PLEKHG7: variants seen among roughly 807,000 people sequenced by gnomAD.
PLEKHG7 encodes pleckstrin homology domain-containing family G member 7.
Under a neutral mutation model 85.2 loss-of-function variants are expected in PLEKHG7, and 77 were observed. The ratio of observed to expected loss-of-function variants is 0.90; its 90% CI spans 0.75 to 1.09. PLEKHG7 has a LOEUF of 1.09. Among genes scored for constraint, PLEKHG7 ranks in the 50% least tolerant of loss-of-function variants. PLEKHG7 has a pLI of 0.00. For synonymous variants in PLEKHG7, 301 were observed against 302.4 expected, an observed-to-expected ratio of 1.00 and a Z score of 0.05; for missense variants, 777 against 804.3, an observed-to-expected ratio of 0.97 and a Z score of 0.41.
In PLEKHG7 at chr12:92,706,959, T is replaced by C. The variant is rs183080897; in HGVS notation, c.328T>C (p.Ser110Pro). ...CTTGAGACTCCACTCAAGATTGACC[T>C]CTGAACCTGAAAGGGCCCTGAATGC... ...SPLRLHSRLT[S>P]EPERALNAAD... The change falls in exon 2 of 17, where the codon TCT (serine) becomes CCT (proline). Residue 110 changes from serine to proline, a missense_variant. Ser to Pro is a moderately conservative substitution (Grantham distance 74). Coordinates refer to ENST00000344636, the MANE Select transcript of PLEKHG7 (RefSeq NM_001377329.1). 2.2e-5 allele frequency: 36 copies of C among 1,614,158 alleles called. No individual in the cohort carries two copies. The highest frequency in any genetic ancestry group is 3.3e-4 in the Middle Eastern group (2 of 6,062).
At chr12:92,752,908 G>C (rs1872728794) in intron 10 of PLEKHG7, among the ~76,000 whole-genome samples, 1 of 152,062 alleles carries the variant, frequency 6.6e-6, no homozygotes, top group South Asian at 2.1e-4. Flanking sequence ...TCTCGCTGTA[G>C]CCTCACATGG....
chr12:92,755,910 G>C lies in PLEKHG7; in HGVS notation c.1512G>C (p.Trp504Cys). ...AGATTATAGTGTGGCCACCGCTTTG[G>C]GATAGAGATAAAAGGTTTTTCATTC... ...LQEIIVWPPL[W>C]DRDKRFFIPE... Residue 504 changes from tryptophan (W) to cysteine (C), a missense_variant, in exon 12 of 17, where the codon TGG becomes TGC. Trp to Cys is a radical substitution (Grantham distance 215, BLOSUM62 -2). Coordinates refer to ENST00000344636, the MANE Select transcript of PLEKHG7 (RefSeq NM_001377329.1). 1.2e-6 allele frequency: 2 copies of C among 1,612,552 alleles called. No individual in the cohort carries two copies. Among genetic ancestry groups the C allele is most frequent in the Non-Finnish European group, 1.7e-6 (2 of 1,179,470 alleles).
rs1236476844 is a variant in PLEKHG7, at chr12:92,750,111, C to T, written c.1252-3979C>T. Among the ~76,000 whole-genome samples the T allele has an allele frequency of 3.3e-5, 5 of 151,388 alleles. No individual in the cohort carries two copies. In the East Asian group the frequency reaches 5.8e-4, roughly 18 times the overall value. On this transcript the variant is annotated intron_variant, in intron 10 of 16. Transcript: ENST00000344636. The stretch of plus-strand genomic sequence containing the variant: ...GTGGCACCATCATGGCTCACTGCAG[C>T]CTCAACCTCCCTTGCTCAAGCGACA...
intron 1 of PLEKHG7, among the ~76,000 whole-genome samples, chr12:92,704,376 T>TA (rs752853543): frequency 2.0e-5 from 3 of 152,334 alleles, no homozygotes; most frequent in Non-Finnish European, 4.4e-5. Context: ...TACCTTATTT[T>TA]ATCAATGGTA....
chr12:92,765,415 AG>A (rs1321006823), intron 15 of PLEKHG7, among the ~76,000 whole-genome samples: 5 of 151,766 alleles, frequency 3.3e-5, no homozygotes, highest in Non-Finnish European at 5.9e-5. Flanking sequence ...AGATCACCTG[AG>A]GTCGGGAGCT....
At position 92,753,971 on chromosome 12, in the gene PLEKHG7, C is replaced by T. The variant is rs1872756666; in HGVS notation, c.1252-119C>T. 7 of 989,464 alleles carry T rather than the reference C, an allele frequency of 7.1e-6. No homozygotes were observed. In the South Asian group the frequency reaches 1.2e-4, roughly 17 times the overall value. 61.3% of individuals were successfully genotyped at this position (989,464 alleles called of 1,614,324 possible). A position where few individuals can be genotyped will look rare whatever the true frequency, so the allele number is the denominator to read the frequency against. On this transcript the variant is annotated intron_variant, in intron 10 of 16. Coordinates refer to ENST00000344636, the MANE Select transcript of PLEKHG7 (RefSeq NM_001377329.1). The stretch of plus-strand genomic sequence containing the variant: ...GTGGCTTATAAATTGTCCCAGCAAA[C>T]TCACAAGTAGGTCCTGCAGTTACTG...
intron 15 of PLEKHG7, among the ~76,000 whole-genome samples, chr12:92,767,931 C>T (rs1432860852): frequency 2.0e-5 from 3 of 152,168 alleles, no homozygotes; most frequent in East Asian, 1.9e-4. Context: ...ATAGGGCGGG[C>T]GCGGTGGCTC....
chr12:92,705,108 C>T (rs1437237688), intron 1 of PLEKHG7, among the ~76,000 whole-genome samples: 3 of 152,110 alleles, frequency 2.0e-5, no homozygotes, highest in Non-Finnish European at 4.4e-5. Flanking sequence ...TTGCCATAGG[C>T]AAGTACAAAA....
rs1214027251 is a variant in PLEKHG7, at chr12:92,770,753, A to G, written c.*558A>G. 1 of 152,186 alleles carries G rather than the reference A, an allele frequency of 6.6e-6. No homozygotes were observed. The highest frequency in any genetic ancestry group is 1.5e-5 in the Non-Finnish European group (1 of 68,042). The allele number at this position is 152,186 out of a possible 1,614,324, so 9.4% of individuals were successfully genotyped here. A position where few individuals can be genotyped will look rare whatever the true frequency, so the allele number is the denominator to read the frequency against. ...TAGCAGTTTTAAAATTCCTATTCTC[A>G]AACTCATCTCAGGTATATAGTACTC... On this transcript the variant is annotated 3_prime_UTR_variant, in exon 17 of 17. Coordinates refer to ENST00000344636, the MANE Select transcript of PLEKHG7 (RefSeq NM_001377329.1).
chr12:92,711,701 T>G (rs999070016), intron 3 of PLEKHG7, among the ~76,000 whole-genome samples: 1 of 152,184 alleles, frequency 6.6e-6, no homozygotes, highest in Non-Finnish European at 1.5e-5. Context: ...GATTCACCTA[T>G]AGGGGACTGC....
chr12:92,722,735 A>G (rs552313759), intron 3 of PLEKHG7, among the ~76,000 whole-genome samples: 5 of 152,328 alleles, frequency 3.3e-5, no homozygotes, highest in South Asian at 4.1e-4. Flanking sequence ...TTTTGTATAT[A>G]CATACAATTA....
intron 16 of PLEKHG7, among the ~76,000 whole-genome samples, chr12:92,769,517 G>A (rs1873337408): frequency 6.6e-6 from 1 of 152,148 alleles, no homozygotes; most frequent in South Asian, 2.1e-4. Flanking sequence ...TCCCTGTCAA[G>A]TCAGCTTGTC....
chr12:92,719,739 A>G (rs1364907378), intron 3 of PLEKHG7, among the ~76,000 whole-genome samples: 1 of 152,232 alleles, frequency 6.6e-6, no homozygotes, highest in Non-Finnish European at 1.5e-5. Context: ...TCTGCTGCAC[A>G]GAAGGAATCT....
intron 15 of PLEKHG7, 79 bp downstream of exon 15, chr12:92,764,273 A>G: frequency 7.3e-7 from 1 of 1,368,832 alleles, no homozygotes; most frequent in Non-Finnish European, 9.9e-7. Flanking sequence ...GTAGCAGGTC[A>G]TAAATCCAAT....
chr12:92,756,406 C>T lies in PLEKHG7; in HGVS notation c.1636+15C>T, dbSNP rs1291818570. 1 of 1,582,942 alleles carries T rather than the reference C, an allele frequency of 6.3e-7. No individual in the cohort carries two copies. The highest frequency in any genetic ancestry group is 8.7e-7 in the Non-Finnish European group (1 of 1,152,266). On this transcript the variant is annotated intron_variant, in intron 13 of 16. Transcript: ENST00000344636. Reference sequence around the variant, plus strand: ...AACTCTTGCAGGTAAATAACTGCTTCCTTTAAAAAACCCAACATCTGTGCC... The same window carrying T: ...AACTCTTGCAGGTAAATAACTGCTTTCTTTAAAAAACCCAACATCTGTGCC...
In PLEKHG7 at chr12:92,771,895, T is replaced by C. The variant is rs1873444108; in HGVS notation, c.*1700T>C. On this transcript the variant is annotated 3_prime_UTR_variant, in exon 17 of 17. Transcript: ENST00000344636. Reference sequence around the variant, plus strand: ...AGACTGACTAAATTAACAAAATATATAAAACAGCTCAAGAATATGCTGTAC... The same window carrying C: ...AGACTGACTAAATTAACAAAATATACAAAACAGCTCAAGAATATGCTGTAC... 1 of 151,880 alleles carries C rather than the reference T, an allele frequency of 6.6e-6. No homozygotes were observed. The highest frequency in any genetic ancestry group is 2.1e-4 in the South Asian group (1 of 4,826). 9.4% of individuals were successfully genotyped at this position (151,880 alleles called of 1,614,324 possible).
intron 15 of PLEKHG7, among the ~76,000 whole-genome samples, chr12:92,767,406 A>C (rs1475856327): frequency 6.6e-6 from 1 of 152,210 alleles, no homozygotes; most frequent in African/African-American, 2.4e-5. Flanking sequence ...TGAATTCCAA[A>C]AACCAGCCAA....
intron 14 of PLEKHG7, 79 bp downstream of exon 14, chr12:92,761,910 G>T: frequency 7.2e-7 from 1 of 1,388,342 alleles, no homozygotes; most frequent in Non-Finnish European, 9.3e-7. Flanking sequence ...ATAAACTGTG[G>T]TAAAAATATA....
Position 92,707,104 on chromosome 12 carries a change from T to C in PLEKHG7, c.473T>C (p.Leu158Pro). 1 of 1,614,004 alleles carries C rather than the reference T, an allele frequency of 6.2e-7. No homozygotes were observed. Among genetic ancestry groups the C allele is most frequent in the South Asian group, 1.1e-5 (1 of 91,078 alleles). ...ASLRQQEGHF[L>P]PSPTLRHPSP... ...CTTCGGCAGCAAGAAGGCCACTTCC[T>C]GCCCAGCCCCACCCTACGACACCCT... The change falls in exon 2 of 17, where the codon CTG becomes CCG. Residue 158 changes from leucine to proline, a missense_variant. Leu to Pro is a moderately conservative substitution (Grantham distance 98, BLOSUM62 -3). Coordinates refer to ENST00000344636, the MANE Select transcript of PLEKHG7 (RefSeq NM_001377329.1).
Sources: gnomAD v4.1 joint callset for allele counts (sites outside exome capture counted in the v4.1 genomes callset) on GRCh38, gnomAD v4.1.1 for gene constraint, MANE v1.5 for transcripts, NCBI Gene and HGNC (gene_info 2026-07-23, HGNC 2026-07-21) for gene names.